Variants in ADAM32 observed in about 807,000 individuals in gnomAD.
ADAM32 encodes disintegrin and metalloproteinase domain-containing protein 32.
A neutral mutation model predicts 114.9 loss-of-function variants in ADAM32; 89 were observed. The observed-to-expected ratio is 0.77, with a 90% confidence interval of 0.65 to 0.92. The LOEUF (loss-of-function observed/expected upper bound fraction) is 0.92. Ranked by LOEUF, ADAM32 falls within the 40% of genes least tolerant of loss-of-function variation. The pLI is 0.00. For missense variants in ADAM32, 870 were observed against 932.8 expected (o/e 0.93, Z 0.88); for synonymous variants, 285 against 307.5 (o/e 0.93, Z 0.77).
chr8:39,250,447 ATC>A, intron 17 of ADAM32, among the ~76,000 whole-genome samples: 1 of 151,816 alleles, frequency 6.6e-6, no homozygotes. Context: ...TAGAATTTTT[ATC>A]TGTCTGCCTA....
intron 2 of ADAM32, among the ~76,000 whole-genome samples, chr8:39,121,462 C>T (rs1840587594): frequency 6.6e-6 from 1 of 151,190 alleles, no homozygotes; most frequent in African/African-American, 2.4e-5. Flanking sequence ...GGGTGGAGGG[C>T]TAGGGGAGGG....
intron 11 of ADAM32, among the ~76,000 whole-genome samples, chr8:39,204,668 C>G (rs144662202): frequency 6.6e-6 from 1 of 152,184 alleles, no homozygotes; most frequent in Non-Finnish European, 1.5e-5. Context: ...CCATTGCTGG[C>G]GAGGAGCTGT....
At chr8:39,233,662 C>A (rs1809897558) in intron 15 of ADAM32, among the ~76,000 whole-genome samples, 1 of 152,114 alleles carries the variant, frequency 6.6e-6, no homozygotes, top group South Asian at 2.1e-4. Context: ...AGCCTCTATT[C>A]AAGATAGAGT....
chr8:39,277,695 C>G (rs913369712), intron 22 of ADAM32, among the ~76,000 whole-genome samples: 1 of 152,240 alleles, frequency 6.6e-6, no homozygotes, highest in Non-Finnish European at 1.5e-5. Context: ...CTGCGCTCCA[C>G]CACTCGGGAG....
chr8:39,164,983 A>G (rs1207603060), intron 8 of ADAM32, 47 bp from the exon 9 acceptor site: 3 of 1,537,184 alleles, frequency 2.0e-6, no homozygotes, highest in African/African-American at 1.4e-5. Flanking sequence ...TTTTTATAAG[A>G]TAACATAAAT....
In ADAM32 at chr8:39,227,548, G is replaced by A. The variant is rs114499081; in HGVS notation, c.1525+4310G>A. On this transcript the variant is annotated intron_variant, in intron 14 of 24. Coordinates refer to ENST00000379907, the MANE Select transcript of ADAM32 (RefSeq NM_145004.7). ...TGCATGGGAGCTGACTGAGGCCTGT[G>A]ATTGCCAGCTTTCCCCCACTTCCGT... is the stretch of plus-strand genomic sequence containing the variant. Among the ~76,000 whole-genome samples the A allele has an allele frequency of 5.2e-3, 792 of 152,250 alleles. 6 individuals carry two copies. Among genetic ancestry groups the A allele is most frequent in the African/African-American group, 0.018 (758 of 41,544 alleles).
chr8:39,279,171 A>G (rs1813271033), intron 22 of ADAM32, among the ~76,000 whole-genome samples: 1 of 152,238 alleles, frequency 6.6e-6, no homozygotes, highest in African/African-American at 2.4e-5. Context: ...TAAATCTAAA[A>G]AATTAATTCA....
chr8:39,115,955 G>A (rs1024291642), intron 1 of ADAM32, among the ~76,000 whole-genome samples: 1 of 152,196 alleles, frequency 6.6e-6, no homozygotes, highest in Non-Finnish European at 1.5e-5. Flanking sequence ...TTCTGCATAT[G>A]AGTAGCCAGT....
At chr8:39,247,968 T>C (rs1314716317) in intron 17 of ADAM32, among the ~76,000 whole-genome samples, 1 of 152,152 alleles carries the variant, frequency 6.6e-6, no homozygotes, top group East Asian at 1.9e-4. Flanking sequence ...ACTGTATTGC[T>C]TTTGCTCCTT....
intron 6 of ADAM32, chr8:39,157,622 C>T (rs1804222052): frequency 1.2e-5 from 7 of 578,838 alleles, no homozygotes; most frequent in Non-Finnish European, 2.3e-5. Context: ...GCGGCCATGG[C>T]CAAATTTAAA....
chr8:39,193,370 A>G (rs978280621), intron 11 of ADAM32, among the ~76,000 whole-genome samples: 1 of 152,052 alleles, frequency 6.6e-6, no homozygotes. Flanking sequence ...GTTCTTTTCT[A>G]TCCTGACTAT....
At chr8:39,209,917 A>G (rs1166035528) in intron 11 of ADAM32, among the ~76,000 whole-genome samples, 1 of 152,216 alleles carries the variant, frequency 6.6e-6, no homozygotes, top group Non-Finnish European at 1.5e-5. Context: ...AACTGGCAGC[A>G]TACTGGCTTA....
rs577951066 is a variant in ADAM32, at chr8:39,281,778, G to A, written c.2318+604G>A. ...TTATCAAATATTTACTGCTATGTTCGTCATGGTTTCTCCATTGTAGAGTTT... is the reference window on the plus strand; with the variant it reads ...TTATCAAATATTTACTGCTATGTTCATCATGGTTTCTCCATTGTAGAGTTT... On this transcript the variant is annotated intron_variant, in intron 23 of 24. Transcript: ENST00000379907. Among the ~76,000 whole-genome samples the A allele has an allele frequency of 5.3e-4, 81 of 152,204 alleles. No homozygotes were observed. In the Middle Eastern group the frequency reaches 0.014, roughly 26 times the overall value.
rs117760900 is a variant in ADAM32 at position 39,263,464 on chromosome 8, C to T, written c.2162+6121C>T. On this transcript the variant is annotated intron_variant, in intron 19 of 24. Transcript: ENST00000379907. ...CTGTACTTTAGTGTCCCCATTCTAG[C>T]CTCCATGGTTGTGGTGGTGGTTGTT... Among the ~76,000 whole-genome samples the T allele has an allele frequency of 5.3e-5, 8 of 152,246 alleles. No homozygotes were observed. In the East Asian group the frequency reaches 1.5e-3, roughly 29 times the overall value.
At chr8:39,222,527 TGAGA>T (rs1026632922) in intron 13 of ADAM32, among the ~76,000 whole-genome samples, 9 of 152,064 alleles carry the variant, frequency 5.9e-5, no homozygotes, top group African/African-American at 1.9e-4. Flanking sequence ...TTCCATGATT[TGAGA>T]GAAAGATTCT....
chr8:39,241,569 T>C (rs1206329986), intron 16 of ADAM32, among the ~76,000 whole-genome samples: 1 of 152,196 alleles, frequency 6.6e-6, no homozygotes, highest in Non-Finnish European at 1.5e-5. Context: ...CAACAACACA[T>C]GGAAGCTGCC....
At position 39,283,641 on chromosome 8, in the gene ADAM32, G is replaced by T; in HGVS notation, c.2357+17G>T. Reference sequence around the variant, plus strand: ...AAGCAGTAGGTAAGTATATTAGAAGGTGTTTCTTAAAATAAATACATGTAT... The same window carrying T: ...AAGCAGTAGGTAAGTATATTAGAAGTTGTTTCTTAAAATAAATACATGTAT... On this transcript the variant is annotated intron_variant, in intron 24 of 24. Coordinates refer to ENST00000379907, the MANE Select transcript of ADAM32 (RefSeq NM_145004.7). 1 of 1,577,474 alleles carries T rather than the reference G, an allele frequency of 6.3e-7. No individual in the cohort carries two copies. Among genetic ancestry groups the T allele is most frequent in the Non-Finnish European group, 8.7e-7 (1 of 1,153,288 alleles).
chr8:39,268,767 G>A (rs968796086), intron 19 of ADAM32, among the ~76,000 whole-genome samples: 4 of 152,174 alleles, frequency 2.6e-5, no homozygotes, highest in African/African-American at 9.7e-5. Context: ...TTTTGTATAT[G>A]TTAAGAAGTA....
chr8:39,192,412 T>G (rs374136505), intron 11 of ADAM32, among the ~76,000 whole-genome samples: 7 of 152,222 alleles, frequency 4.6e-5, no homozygotes, highest in African/African-American at 1.4e-4. Flanking sequence ...GATGTCATTG[T>G]ATGTGAGATG....
Sources: allele counts gnomAD v4.1 joint callset (sites outside exome capture counted in the v4.1 genomes callset), GRCh38; gene constraint gnomAD v4.1.1; transcripts MANE v1.5; gene names NCBI Gene and HGNC (gene_info 2026-07-23, HGNC 2026-07-21).